AOAH: variants seen among roughly 807,000 people sequenced by gnomAD.
AOAH encodes acyloxyacyl hydrolase, also known as acyloxyacyl hydrolase (neutrophil).
In AOAH, 64 loss-of-function variants were observed where a neutral mutation model predicts 92.2. The observed-to-expected ratio is 0.69, with a 90% CI of 0.57 to 0.86. The LOEUF (loss-of-function observed/expected upper bound fraction) is 0.86. Ranked by LOEUF, AOAH falls within the 40% of genes least tolerant of loss-of-function variation. The probability of loss-of-function intolerance (pLI) is 0.00; values close to 1 mark genes in which losing one functional copy is unlikely to be tolerated. For synonymous variants in AOAH, 263 were observed against 254.5 expected (o/e 1.03, Z -0.32); for missense variants, 656 against 694.6 (o/e 0.94, Z 0.62).
chr7:36,713,213 T>A (rs111700752), intron 1 of AOAH, among the ~76,000 whole-genome samples: 124,568 of 152,136 alleles, frequency 0.82, 51,269 homozygotes, highest in East Asian at 1. Context: ...TAAACCAACA[T>A]AGATTAAGAG....
chr7:36,554,004 A>T (rs1164827177), intron 13 of AOAH, among the ~76,000 whole-genome samples: 10 of 152,020 alleles, frequency 6.6e-5, no homozygotes, highest in Non-Finnish European at 1.2e-4. Context: ...CCCATTTGTC[A>T]ATTTTGGCTT....
intron 11 of AOAH, among the ~76,000 whole-genome samples, chr7:36,610,784 G>C (rs1051562045): frequency 2.6e-5 from 4 of 152,164 alleles, no homozygotes; most frequent in Non-Finnish European, 4.4e-5. Flanking sequence ...CTGTTGGGTT[G>C]ATGGTGGACA....
At chr7:36,514,555 T>A (rs1790228373) in intron 20 of AOAH, 1 of 1,535,796 alleles carries the variant, frequency 6.5e-7, no homozygotes, top group African/African-American at 1.4e-5. Context: ...GTGTCTGGCT[T>A]GTCATTAATA....
At chr7:36,672,281 A>G (rs1306171612) in intron 3 of AOAH, among the ~76,000 whole-genome samples, 1 of 152,172 alleles carries the variant, frequency 6.6e-6, no homozygotes, top group African/African-American at 2.4e-5. Context: ...ACCCTGTTGT[A>G]GAGGGGGGAT....
chr7:36,655,901 A>G (rs2116491802), intron 4 of AOAH, among the ~76,000 whole-genome samples: 1 of 152,294 alleles, frequency 6.6e-6, no homozygotes, highest in Non-Finnish European at 1.5e-5. Flanking sequence ...GGCAAGTTCA[A>G]GAAAGGAATA....
chr7:36,603,112 G>T (rs1741949086), intron 11 of AOAH, among the ~76,000 whole-genome samples: 1 of 152,140 alleles, frequency 6.6e-6, no homozygotes, highest in Non-Finnish European at 1.5e-5. Flanking sequence ...GATTGGGTAG[G>T]TTTGTGGTGG....
At chr7:36,646,508 A>G (rs938239025) in intron 4 of AOAH, among the ~76,000 whole-genome samples, 4 of 152,164 alleles carry the variant, frequency 2.6e-5, no homozygotes, top group African/African-American at 9.7e-5. Context: ...ATTTGCTTTC[A>G]GGTTGTGTGA....
intron 13 of AOAH, among the ~76,000 whole-genome samples, chr7:36,554,543 C>A (rs535341044): frequency 4.6e-4 from 70 of 152,086 alleles, no homozygotes; most frequent in African/African-American, 1.6e-3. Flanking sequence ...AGCTTGATGG[C>A]GATGGCATTG....
intron 1 of AOAH, among the ~76,000 whole-genome samples, chr7:36,702,570 A>G (rs1340188856): frequency 2.0e-5 from 3 of 152,210 alleles, no homozygotes; most frequent in Non-Finnish European, 2.9e-5. Flanking sequence ...CCTAGTGCAT[A>G]TAAGAGTTTT....
At chr7:36,645,429 T>C (rs892711440) in intron 4 of AOAH, among the ~76,000 whole-genome samples, 7 of 152,212 alleles carry the variant, frequency 4.6e-5, no homozygotes, top group African/African-American at 1.4e-4. Flanking sequence ...TAGGGTACTT[T>C]GTTAGAGCAG....
At chr7:36,641,780 T>C (rs1793938004) in intron 4 of AOAH, among the ~76,000 whole-genome samples, 1 of 152,172 alleles carries the variant, frequency 6.6e-6, no homozygotes, top group Non-Finnish European at 1.5e-5. Context: ...CCTGACCCCC[T>C]TCACTCCCTA....
chr7:36,554,256 C>A (rs1157897728), intron 13 of AOAH, among the ~76,000 whole-genome samples: 2 of 152,172 alleles, frequency 1.3e-5, no homozygotes, highest in Non-Finnish European at 2.9e-5. Flanking sequence ...TTCCCCATTG[C>A]TTGTTTTTCT....
intron 2 of AOAH, among the ~76,000 whole-genome samples, chr7:36,683,434 T>C (rs1796768997): frequency 6.6e-6 from 1 of 152,154 alleles, no homozygotes; most frequent in Non-Finnish European, 1.5e-5. Flanking sequence ...GTAGTGGCTA[T>C]ATGCTCAGAT....
At chr7:36,517,526 T>A (rs542468372) in intron 20 of AOAH, among the ~76,000 whole-genome samples, 1 of 151,452 alleles carries the variant, frequency 6.6e-6, no homozygotes, top group Non-Finnish European at 1.5e-5. Flanking sequence ...AAAACACAAT[T>A]AAAGTCATCT....
At chr7:36,672,384 A>G (rs536440529) in intron 3 of AOAH, among the ~76,000 whole-genome samples, 1 of 152,214 alleles carries the variant, frequency 6.6e-6, no homozygotes, top group Non-Finnish European at 1.5e-5. Flanking sequence ...AATGCCCATC[A>G]ATGATAGACT....
chr7:36,635,366 T>TAAAG (rs1228559771), intron 5 of AOAH, among the ~76,000 whole-genome samples: 1 of 152,048 alleles, frequency 6.6e-6, no homozygotes, highest in African/African-American at 2.4e-5. Flanking sequence ...ACGGGTTGAA[T>TAAAG]AAAGAAAAAT....
At chr7:36,580,216 T>G (rs1448782600) in intron 12 of AOAH, among the ~76,000 whole-genome samples, 1 of 152,218 alleles carries the variant, frequency 6.6e-6, no homozygotes, top group East Asian at 1.9e-4. Context: ...CTACAACTAT[T>G]GGGTCATCTG....
At chr7:36,519,841 C>T (rs967850941) in intron 20 of AOAH, among the ~76,000 whole-genome samples, 2 of 152,224 alleles carry the variant, frequency 1.3e-5, no homozygotes, top group African/African-American at 4.8e-5. Context: ...TGTCTGTTTA[C>T]TCATCATTTT....
At chr7:36,610,131 T>C (rs1240439379) in intron 11 of AOAH, among the ~76,000 whole-genome samples, 5 of 147,800 alleles carry the variant, frequency 3.4e-5, no homozygotes, top group African/African-American at 1.2e-4. Flanking sequence ...TTTTTCTTTT[T>C]TTTTTTAAGG....
Sources: allele counts gnomAD v4.1 joint callset (sites outside exome capture counted in the v4.1 genomes callset), GRCh38; gene constraint gnomAD v4.1.1; transcripts MANE v1.5; gene names NCBI Gene and HGNC (gene_info 2026-07-23, HGNC 2026-07-21).